PTK2: variants seen among roughly 807,000 people sequenced by gnomAD.
PTK2 encodes focal adhesion kinase 1.
PTK2 carries 45 observed loss-of-function variants against 150.1 expected under a neutral mutation model. That is an observed-to-expected ratio of 0.30 (90% CI 0.24 to 0.38). The LOEUF is 0.38. Among genes scored for constraint, PTK2 ranks in the 10% least tolerant of loss-of-function variants. The probability of loss-of-function intolerance (pLI) is 1.00; values close to 1 mark genes in which losing one functional copy is unlikely to be tolerated. For missense variants in PTK2, 919 were observed against 1,307.3 expected (o/e 0.70, Z 4.58); for synonymous variants, 432 against 449.2 (o/e 0.96, Z 0.48).
intron 12 of PTK2, among the ~76,000 whole-genome samples, chr8:140,799,065 TGTCC>T (rs1281374326): frequency 6.6e-6 from 1 of 152,230 alleles, no homozygotes; most frequent in Non-Finnish European, 1.5e-5. Context: ...AGAAAAGCCA[TGTCC>T]TGGAATCACA....
intron 23 of PTK2, among the ~76,000 whole-genome samples, chr8:140,709,832 G>A (rs549020444): frequency 6.6e-6 from 1 of 152,122 alleles, no homozygotes; most frequent in Non-Finnish European, 1.5e-5. Flanking sequence ...GAGAAAGGAA[G>A]ACACTGGTAT....
chr8:140,724,517 AG>A (rs1205441056), intron 22 of PTK2, among the ~76,000 whole-genome samples: 9 of 152,352 alleles, frequency 5.9e-5, no homozygotes, highest in South Asian at 2.1e-4. Context: ...TGATACTTAA[AG>A]GAATCATGTA....
intron 29 of PTK2, chr8:140,669,016 C>G (rs935824873): frequency 6.5e-6 from 1 of 152,838 alleles, no homozygotes; most frequent in Non-Finnish European, 1.5e-5. Context: ...TCGCTAGGAG[C>G]CTCTCTGCTC....
chr8:140,924,238 C>T (rs1292882938), intron 2 of PTK2, among the ~76,000 whole-genome samples: 1 of 152,148 alleles, frequency 6.6e-6, no homozygotes, highest in East Asian at 1.9e-4. Flanking sequence ...TTTCCCCTGC[C>T]ACATCTATGC....
intron 16 of PTK2, among the ~76,000 whole-genome samples, chr8:140,756,049 G>T (rs1231269224): frequency 6.6e-6 from 1 of 152,118 alleles, no homozygotes; most frequent in Non-Finnish European, 1.5e-5. Flanking sequence ...AACAGGCCGG[G>T]CATGGTGGCT....
At chr8:140,678,059 A>G (rs1212977724) in intron 27 of PTK2, among the ~76,000 whole-genome samples, 1 of 152,162 alleles carries the variant, frequency 6.6e-6, no homozygotes, top group East Asian at 1.9e-4. Flanking sequence ...TTGATTGATT[A>G]AGTGAGTGAC....
chr8:140,954,160 A>G (rs1057145268), intron 1 of PTK2, among the ~76,000 whole-genome samples: 6 of 152,044 alleles, frequency 3.9e-5, no homozygotes, highest in African/African-American at 1.4e-4. Context: ...TTGTCTGTTT[A>G]GCAGAGATGG....
chr8:140,852,866 C>T (rs2100130191), intron 5 of PTK2, among the ~76,000 whole-genome samples: 1 of 152,194 alleles, frequency 6.6e-6, no homozygotes, highest in South Asian at 2.1e-4. Context: ...CCACGAAAGG[C>T]ATATTTTTAG....
chr8:140,747,735 AAGT>A (rs1164548555), intron 17 of PTK2, among the ~76,000 whole-genome samples: 2 of 48,524 alleles, frequency 4.1e-5, no homozygotes, highest in Non-Finnish European at 7.6e-5. Context: ...GGGAGGAAGG[AAGT>A]AGGAGGAGGG....
intron 14 of PTK2, among the ~76,000 whole-genome samples, chr8:140,768,975 T>C (rs931758475): frequency 3.9e-5 from 6 of 152,168 alleles, no homozygotes; most frequent in Non-Finnish European, 4.4e-5. Context: ...TTATAAAATC[T>C]TACTCCTTTA....
rs181238402 is a variant in PTK2, at chr8:140,833,277, G to A, written c.594-2751C>T. Among the ~76,000 whole-genome samples, 606 of 152,184 alleles carry A rather than the reference G, an allele frequency of 4.0e-3. 5 individuals are homozygous for A. The highest frequency in any genetic ancestry group is 0.014 in the African/African-American group (581 of 41,514). ...ATGAATTTGTAACGTTTGTCCATAT[G>A]TTAGAACTTTTTTGATACCTGGCAG... On this transcript the variant is annotated intron_variant, in intron 7 of 31. Coordinates refer to ENST00000522684, the Ensembl canonical transcript of PTK2.
chr8:140,695,067 C>A (rs752864134), intron 26 of PTK2, among the ~76,000 whole-genome samples: 2 of 152,240 alleles, frequency 1.3e-5, no homozygotes, highest in Non-Finnish European at 2.9e-5. Flanking sequence ...GCCTCCTCTG[C>A]ATTCCCATTT....
intron 14 of PTK2, among the ~76,000 whole-genome samples, chr8:140,789,063 C>CA (rs772757277): frequency 2.6e-5 from 4 of 152,158 alleles, no homozygotes; most frequent in East Asian, 1.9e-4. Flanking sequence ...AAGCAATACT[C>CA]AAACACCATA....
At chr8:140,658,501 A>G (rs966610802) in exon 32 of PTK2, 8 of 191,310 alleles carry the variant, frequency 4.2e-5, no homozygotes, top group Non-Finnish European at 6.6e-5. Flanking sequence ...AAGGGAGGGT[A>G]TATTTTTTCA....
At chr8:140,723,625 A>C (rs1229554540) in intron 22 of PTK2, among the ~76,000 whole-genome samples, 2 of 152,226 alleles carry the variant, frequency 1.3e-5, no homozygotes, top group African/African-American at 4.8e-5. Flanking sequence ...TAGTAGCAAT[A>C]CATTCCATCT....
chr8:140,773,139 A>C (rs1396248763), intron 14 of PTK2, among the ~76,000 whole-genome samples: 3 of 152,240 alleles, frequency 2.0e-5, no homozygotes, highest in African/African-American at 7.2e-5. Context: ...TAACTTAAAA[A>C]GTGAATTTTT....
At chr8:140,896,110 C>T (rs947646564) in intron 2 of PTK2, among the ~76,000 whole-genome samples, 1 of 152,144 alleles carries the variant, frequency 6.6e-6, no homozygotes, top group African/African-American at 2.4e-5. Flanking sequence ...TAGATAAGCA[C>T]AATTCCTTGC....
chr8:140,780,700 A>G (rs138720626), intron 14 of PTK2, among the ~76,000 whole-genome samples: 71 of 152,364 alleles, frequency 4.7e-4, no homozygotes, highest in African/African-American at 1.6e-3. Context: ...AAAATGGGAC[A>G]ATCAGGGATA....
chr8:140,965,833 C>T (rs758830143), intron 1 of PTK2, among the ~76,000 whole-genome samples: 12 of 152,162 alleles, frequency 7.9e-5, no homozygotes, highest in Non-Finnish European at 1.3e-4. Context: ...GCCAAGAACG[C>T]GCCACTGCAC....
Sources: allele counts gnomAD v4.1 joint callset (sites outside exome capture counted in the v4.1 genomes callset), GRCh38; gene constraint gnomAD v4.1.1; transcripts MANE v1.5; gene names NCBI Gene and HGNC (gene_info 2026-07-23, HGNC 2026-07-21).